The following CTBS variants were observed in gnomAD, a reference collection of about 807,000 sequenced individuals.
CTBS encodes the protein di-N-acetylchitobiase.
In CTBS, 35 loss-of-function variants were observed where a neutral mutation model predicts 44.3. That is an observed-to-expected ratio of 0.79 (90% confidence interval 0.60 to 1.05). CTBS has a LOEUF of 1.05. Among genes scored for constraint, CTBS ranks in the 50% least tolerant of loss-of-function variants. The pLI is 0.00. For synonymous variants in CTBS, 143 were observed against 168.0 expected (o/e 0.85, Z 1.15); for missense variants, 458 against 475.3 (o/e 0.96, Z 0.34).
Position 84,551,201 on chromosome 1 carries a change from A to C in CTBS, c.*3798T>G. The C allele has an allele frequency of 1.0e-6, 1 of 985,300 alleles. No homozygotes were observed. The highest frequency in any genetic ancestry group is 4.7e-5 in the South Asian group (1 of 21,288). 61.0% of individuals were successfully genotyped at this position (985,300 alleles called of 1,614,324 possible). On this transcript the variant is annotated 3_prime_UTR_variant, in exon 7 of 7. Coordinates refer to ENST00000370630, the MANE Select transcript of CTBS (RefSeq NM_004388.3). ...ATTATACATTTTCATACAAGTACCC[A>C]CAGCAAGGCAGGAAAATGAGAACGA...
rs112684718 is a variant in CTBS, at chr1:84,555,689, G to A, written c.958-490C>T. Among the ~76,000 whole-genome samples the A allele has an allele frequency of 1.1e-3, 166 of 152,294 alleles. 1 individual carries two copies. Among genetic ancestry groups the A allele is most frequent in the African/African-American group, 3.7e-3 (154 of 41,568 alleles). ...TTAGCCAGTGATTATTAGCCAAGGC[G>A]TACATCTGAATCACTTGCGGAGCTT... On this transcript the variant is annotated intron_variant, in intron 6 of 6. Coordinates refer to ENST00000370630, the MANE Select transcript of CTBS (RefSeq NM_004388.3).
At chr1:84,570,215 G>A in intron 2 of CTBS, 76 bp from the exon 3 acceptor site, 1 of 1,231,232 alleles carries the variant, frequency 8.1e-7, no homozygotes, top group South Asian at 1.4e-5. Flanking sequence ...GCCCTTAACT[G>A]AAGTTTTCCA....
In CTBS at chr1:84,553,696, C is replaced by T. The variant is rs1684343248; in HGVS notation, c.*1303G>A. 6.6e-6 allele frequency: 1 copy of T among 152,074 alleles called. No homozygotes were observed. The highest frequency in any genetic ancestry group is 2.4e-5 in the African/African-American group (1 of 41,422). 9.4% of individuals were successfully genotyped at this position (152,074 alleles called of 1,614,324 possible). ...ATATACTATGAAAATGGTTTTTACT[C>T]TGTCACAAACAATTGTGTAAATAGG... On this transcript the variant is annotated 3_prime_UTR_variant, in exon 7 of 7. Coordinates refer to ENST00000370630, the MANE Select transcript of CTBS (RefSeq NM_004388.3).
In CTBS at chr1:84,552,449, CCACTT is replaced by C. The variant is rs1482143007; in HGVS notation, c.*2545_*2549del. The C allele has an allele frequency of 6.6e-6, 1 of 151,982 alleles. No individual in the cohort carries two copies. The highest frequency in any genetic ancestry group is 6.6e-5 in the Admixed American group (1 of 15,248). The allele number at this position is 151,982 out of a possible 1,614,324, so 9.4% of individuals were successfully genotyped here. A position where few individuals can be genotyped will look rare whatever the true frequency, so the allele number is the denominator to read the frequency against. On this transcript the variant is annotated 3_prime_UTR_variant, in exon 7 of 7. Transcript: ENST00000370630. ...GTTTGAATTTGAATCCTGGCTGTAC[CCACTT>C]CACTTACTAGTTTTTTATCTTGAGC...
intron 5 of CTBS, 62 bp from the exon 6 acceptor site, chr1:84,563,480 CA>C: frequency 8.7e-7 from 1 of 1,144,802 alleles, no homozygotes; most frequent in South Asian, 2.6e-5. Context: ...AAAGCCAAAC[CA>C]AAAATATATA....
chr1:84,560,983 T>C (rs748370984), intron 6 of CTBS, among the ~76,000 whole-genome samples: 2 of 152,250 alleles, frequency 1.3e-5, no homozygotes, highest in Non-Finnish European at 2.9e-5. Flanking sequence ...TCATGCCTGC[T>C]AACACAACAT....
chr1:84,568,939 G>A (rs530386115), intron 3 of CTBS, among the ~76,000 whole-genome samples: 7 of 152,120 alleles, frequency 4.6e-5, no homozygotes, highest in African/African-American at 1.2e-4. Context: ...GCAGAACCGT[G>A]AGCCAATTAA....
intron 6 of CTBS, chr1:84,556,026 G>T (rs1290715504): frequency 1.3e-5 from 2 of 152,186 alleles, no homozygotes. Context: ...AGGTCTTACA[G>T]ATACATTCTC....
At chr1:84,568,665 C>T (rs1183494791) in intron 3 of CTBS, among the ~76,000 whole-genome samples, 2 of 152,128 alleles carry the variant, frequency 1.3e-5, no homozygotes, top group East Asian at 1.9e-4. Flanking sequence ...CATGTTGAAT[C>T]GTAATCCCCA....
intron 1 of CTBS, among the ~76,000 whole-genome samples, chr1:84,573,219 A>C (rs1052750743): frequency 8.5e-5 from 13 of 152,218 alleles, no homozygotes; most frequent in African/African-American, 3.1e-4. Flanking sequence ...GTCATAGCTA[A>C]ATAAGGCAAA....
At chr1:84,559,797 T>C (rs1019472466) in intron 6 of CTBS, among the ~76,000 whole-genome samples, 4 of 152,004 alleles carry the variant, frequency 2.6e-5, no homozygotes, top group Non-Finnish European at 5.9e-5. Context: ...GCTTAAACAA[T>C]GTGTTGGCCA....
rs530671910 is a variant in CTBS at position 84,564,601 on chromosome 1, G to A, written c.698-769C>T. Among the ~76,000 whole-genome samples, 28 of 152,052 alleles carry A rather than the reference G, an allele frequency of 1.8e-4. No homozygotes were observed. In the South Asian group the frequency reaches 4.6e-3, roughly 25 times the overall value. ...TGTTGCTCAGGCTGGCTTGAACTTC[G>A]GCCTCATGTGATCTTCCCACCTCAG... On this transcript the variant is annotated intron_variant, in intron 4 of 6. Transcript: ENST00000370630.
chr1:84,566,648 G>A (rs747411741), intron 3 of CTBS, among the ~76,000 whole-genome samples: 3 of 151,868 alleles, frequency 2.0e-5, no homozygotes, highest in Non-Finnish European at 4.4e-5. Context: ...TTCTTTTTTG[G>A]GGGGGATGGA....
At chr1:84,559,544 C>T (rs1040162350) in intron 6 of CTBS, among the ~76,000 whole-genome samples, 3 of 152,056 alleles carry the variant, frequency 2.0e-5, no homozygotes, top group Non-Finnish European at 2.9e-5. Flanking sequence ...CTCACTTACA[C>T]CTAGGAGGCA....
chr1:84,566,222 G>T, intron 3 of CTBS: 1 of 234,694 alleles, frequency 4.3e-6, no homozygotes, highest in Non-Finnish European at 8.1e-6. Flanking sequence ...CATATATTTG[G>T]ACATACAATG....
Position 84,550,477 on chromosome 1 carries a change from C to T in CTBS, c.*4522G>A. On this transcript the variant is annotated 3_prime_UTR_variant, in exon 7 of 7. Transcript: ENST00000370630. Reference sequence around the variant, plus strand: ...CACTGAGGTACAGCATGCAATTGACCAGCTTAAGAGAAAACTAGATACTGA... The same window carrying T: ...CACTGAGGTACAGCATGCAATTGACTAGCTTAAGAGAAAACTAGATACTGA... The T allele has an allele frequency of 6.4e-7, 1 of 1,566,016 alleles. No individual in the cohort carries two copies. The highest frequency in any genetic ancestry group is 8.7e-7 in the Non-Finnish European group (1 of 1,154,702).
intron 6 of CTBS, among the ~76,000 whole-genome samples, chr1:84,558,604 TAAA>T (rs112293082): frequency 7.1e-6 from 1 of 139,882 alleles, no homozygotes; most frequent in Non-Finnish European, 1.6e-5. Flanking sequence ...TTTTTTTAAT[TAAA>T]AAAAAAAAAG....
rs982834166 is a variant in CTBS, at chr1:84,550,518, A to G, written c.*4481T>C. The G allele has an allele frequency of 5.2e-6, 8 of 1,543,008 alleles. No individual in the cohort carries two copies. Among genetic ancestry groups the G allele is most frequent in the African/African-American group, 1.4e-5 (1 of 72,092 alleles). ...TAGATACTGACAAAATGAAACTCAT[A>G]GTAGAAGTTAAGGTAATTTACATTT... is the stretch of plus-strand genomic sequence containing the variant. On this transcript the variant is annotated 3_prime_UTR_variant, in exon 7 of 7. Coordinates refer to ENST00000370630, the MANE Select transcript of CTBS (RefSeq NM_004388.3).
At position 84,574,329 on chromosome 1, in the gene CTBS, C is replaced by T; in HGVS notation, c.87G>A (p.Ala29=). The change falls in exon 1 of 7, where the codon GCG becomes GCA. Residue 29 remains alanine (A), a synonymous_variant. Transcript: ENST00000370630. ...VPGLALLALL[A]LLALRLAAGT... is the part of the protein sequence containing the mutation. The stretch of plus-strand genomic sequence containing the variant: ...CGGCCGCGAGCCGCAGCGCCAGCAG[C>T]GCCAGCAGCGCCAGCAGCGCTAGAC... 1 of 1,565,890 alleles carries T rather than the reference C, an allele frequency of 6.4e-7. No homozygotes were observed. The highest frequency in any genetic ancestry group is 8.7e-7 in the Non-Finnish European group (1 of 1,155,776).
Sources: allele counts gnomAD v4.1 joint callset (sites outside exome capture counted in the v4.1 genomes callset), GRCh38; gene constraint gnomAD v4.1.1; transcripts MANE v1.5; gene names NCBI Gene and HGNC (gene_info 2026-07-23, HGNC 2026-07-21).